The following SGMS2 variants were observed in gnomAD, a reference collection of about 807,000 sequenced individuals.
SGMS2 encodes phosphatidylcholine:ceramide cholinephosphotransferase 2.
Under a neutral mutation model 43.8 loss-of-function variants are expected in SGMS2, and 21 were observed. That is an observed-to-expected ratio of 0.48 (90% CI 0.34 to 0.69). The LOEUF (loss-of-function observed/expected upper bound fraction) is 0.69. Ranked by LOEUF, SGMS2 falls within the 30% of genes least tolerant of loss-of-function variation. The pLI is 0.01. For synonymous variants in SGMS2, 167 were observed against 160.6 expected, an observed-to-expected ratio of 1.04 and a Z score of -0.30; for missense variants, 384 against 443.2, an observed-to-expected ratio of 0.87 and a Z score of 1.20.
intron 1 of SGMS2, among the ~76,000 whole-genome samples, chr4:107,845,927 C>G (rs1375388595): frequency 1.3e-5 from 2 of 152,096 alleles, no homozygotes; most frequent in Non-Finnish European, 2.9e-5. Flanking sequence ...GTTATGCCAC[C>G]AAATGGAATG....
At chr4:107,899,782 C>T in intron 4 of SGMS2, 90 bp downstream of exon 4, 2 of 698,404 alleles carry the variant, frequency 2.9e-6, no homozygotes, top group Non-Finnish European at 4.6e-6. Context: ...AGACACTTCC[C>T]TATGTGTTAG....
intron 1 of SGMS2, among the ~76,000 whole-genome samples, chr4:107,840,124 CAT>C (rs2125996954): frequency 6.6e-6 from 1 of 152,308 alleles, no homozygotes; most frequent in South Asian, 2.1e-4. Flanking sequence ...CTTTTATACA[CAT>C]ATGCACATAC....
At chr4:107,848,278 T>C (rs1050528956) in intron 1 of SGMS2, among the ~76,000 whole-genome samples, 1 of 152,230 alleles carries the variant, frequency 6.6e-6, no homozygotes, top group Non-Finnish European at 1.5e-5. Flanking sequence ...ATAATAATAC[T>C]GCATTATGTG....
intron 1 of SGMS2, among the ~76,000 whole-genome samples, chr4:107,853,574 A>G (rs1044817032): frequency 2.0e-5 from 3 of 152,168 alleles, no homozygotes; most frequent in Non-Finnish European, 2.9e-5. Flanking sequence ...CCCTCCCCTT[A>G]TAAGATTACT....
chr4:107,848,763 T>C (rs1342123245), intron 1 of SGMS2, among the ~76,000 whole-genome samples: 1 of 152,214 alleles, frequency 6.6e-6, no homozygotes, highest in Non-Finnish European at 1.5e-5. Context: ...GTTATTTTTC[T>C]TGTTGAGTTT....
intron 5 of SGMS2, among the ~76,000 whole-genome samples, chr4:107,904,631 T>G (rs76773346): frequency 0.061 from 9,233 of 152,186 alleles, 448 homozygotes; most frequent in African/African-American, 0.12. Context: ...GTGGGATACA[T>G]GTGGGGTCTT....
chr4:107,862,172 A>G (rs1727770864), intron 2 of SGMS2, among the ~76,000 whole-genome samples: 1 of 152,238 alleles, frequency 6.6e-6, no homozygotes, highest in Non-Finnish European at 1.5e-5. Context: ...CTAAAATAAT[A>G]GAGGAAAAGC....
chr4:107,871,135 T>C (rs890690235), intron 2 of SGMS2, among the ~76,000 whole-genome samples: 6 of 152,116 alleles, frequency 3.9e-5, no homozygotes, highest in African/African-American at 1.4e-4. Context: ...CCAAACCAAA[T>C]AGGATAAGTA....
chr4:107,898,577 G>A (rs1730866581), intron 3 of SGMS2, among the ~76,000 whole-genome samples: 1 of 152,298 alleles, frequency 6.6e-6, no homozygotes, highest in African/African-American at 2.4e-5. Context: ...GGGGCTTTAT[G>A]TGGAGTCCCA....
chr4:107,903,242 G>C lies in SGMS2; in HGVS notation c.583G>C (p.Asp195His). Reference protein sequence around the residue: ...HFQCAPKLNGDSQAKVQRILR... With the variant: ...HFQCAPKLNGHSQAKVQRILR... ...TTCTTGTGTCATTCAGCTCAATGGA[G>C]ACTCTCAGGCAAAAGTTCAACGGAT... is the stretch of plus-strand genomic sequence containing the variant. Residue 195 changes from aspartate (D) to histidine (H), a missense_variant, in exon 5 of 7, where the codon GAC (aspartate) becomes CAC (histidine). Physicochemically the swap from Asp to His is moderately conservative, Grantham distance 81 (BLOSUM62 -1). Transcript: ENST00000690982. The C allele has an allele frequency of 6.2e-6, 10 of 1,613,936 alleles. No individual in the cohort carries two copies. Among genetic ancestry groups the C allele is most frequent in the Non-Finnish European group, 7.6e-6 (9 of 1,179,876 alleles).
chr4:107,841,913 A>T (rs985854851), intron 1 of SGMS2, among the ~76,000 whole-genome samples: 1 of 152,110 alleles, frequency 6.6e-6, no homozygotes, highest in African/African-American at 2.4e-5. Flanking sequence ...GGCCTCTCAA[A>T]ATGCTGGAAC....
intron 1 of SGMS2, among the ~76,000 whole-genome samples, chr4:107,833,619 A>G (rs1455139343): frequency 6.6e-6 from 1 of 152,248 alleles, no homozygotes; most frequent in Non-Finnish European, 1.5e-5. Flanking sequence ...GATGTATATG[A>G]AAAGTAATGA....
intron 5 of SGMS2, among the ~76,000 whole-genome samples, chr4:107,904,307 T>G (rs1240779841): frequency 6.6e-6 from 1 of 152,140 alleles, no homozygotes; most frequent in African/African-American, 2.4e-5. Context: ...AAGGGGGTCT[T>G]TCAGCAGAGA....
intron 1 of SGMS2, among the ~76,000 whole-genome samples, chr4:107,839,383 T>A (rs1560630873): frequency 6.6e-6 from 1 of 152,124 alleles, no homozygotes; most frequent in African/African-American, 2.4e-5. Context: ...AAGTGGTTTT[T>A]TTTTTCCCTT....
In SGMS2 at chr4:107,910,552, G is replaced by A. The variant is rs1419258846; in HGVS notation, c.1097G>A (p.Ter366=). The A allele has an allele frequency of 1.2e-6, 2 of 1,613,662 alleles. No homozygotes were observed. The highest frequency in any genetic ancestry group is 8.5e-7 in the Non-Finnish European group (1 of 1,179,808). ...KIGEDNEKST[*] ...GGTGAAGACAATGAGAAATCGACCT[G>A]AGGAGCAAAACAAAGGCATCAGCTC... is the stretch of plus-strand genomic sequence containing the variant. Residue 366 remains the stop codon, a stop_retained_variant, in exon 7 of 7, where the codon TGA becomes TAA. Coordinates refer to ENST00000690982, the MANE Select transcript of SGMS2 (RefSeq NM_001375905.1).
At chr4:107,843,147 G>A (rs767772890) in intron 1 of SGMS2, among the ~76,000 whole-genome samples, 4 of 151,314 alleles carry the variant, frequency 2.6e-5, no homozygotes, top group Admixed American at 2.6e-4. Flanking sequence ...AACAATCTTA[G>A]GGTTGGGTAT....
intron 2 of SGMS2, among the ~76,000 whole-genome samples, chr4:107,862,910 C>A (rs891418797): frequency 3.3e-5 from 5 of 152,174 alleles, no homozygotes; most frequent in African/African-American, 4.8e-5. Flanking sequence ...GCCGCCTCTA[C>A]AAGTCACTGG....
chr4:107,848,493 T>C (rs1726960143), intron 1 of SGMS2, among the ~76,000 whole-genome samples: 1 of 152,162 alleles, frequency 6.6e-6, no homozygotes. Flanking sequence ...GAAACTGCCT[T>C]ACTGTCCACC....
intron 2 of SGMS2, among the ~76,000 whole-genome samples, chr4:107,870,653 T>C (rs1728493863): frequency 6.6e-6 from 1 of 152,166 alleles, no homozygotes; most frequent in South Asian, 2.1e-4. Context: ...TTTCGTTTGG[T>C]TTGGTATAAG....
Sources: allele counts gnomAD v4.1 joint callset (sites outside exome capture counted in the v4.1 genomes callset), GRCh38; gene constraint gnomAD v4.1.1; transcripts MANE v1.5; gene names NCBI Gene and HGNC (gene_info 2026-07-23, HGNC 2026-07-21).